Variants in ACKR2 observed in about 807,000 individuals in gnomAD.
The protein encoded by ACKR2 is atypical chemokine receptor 2, also known as C-C chemokine receptor D6.
For missense variants in ACKR2, 457 were observed against 477.3 expected (o/e 0.96, Z 0.40); for synonymous variants, 207 against 192.2 (o/e 1.08, Z -0.64).
intron 2 of ACKR2, chr3:42,856,160 C>A: frequency 2.0e-6 from 1 of 494,086 alleles, no homozygotes; most frequent in Non-Finnish European, 3.6e-6. Context: ...ACAGGAAGAC[C>A]AGCAGAAAAA....
intron 1 of ACKR2, among the ~76,000 whole-genome samples, chr3:42,817,057 C>T (rs924480889): frequency 1.3e-4 from 20 of 152,132 alleles, no homozygotes; most frequent in Non-Finnish European, 1.3e-4. Context: ...TTTAGCCTCA[C>T]ATTTTTCATC....
intron 2 of ACKR2, chr3:42,839,369 T>G (rs1701014975): frequency 6.6e-6 from 1 of 152,124 alleles, no homozygotes; most frequent in Admixed American, 6.5e-5. Flanking sequence ...TTTGAAGGGC[T>G]GATAACTCCC....
At chr3:42,824,266 A>G (rs146526840) in intron 2 of ACKR2, among the ~76,000 whole-genome samples, 1 of 152,162 alleles carries the variant, frequency 6.6e-6, no homozygotes, top group Admixed American at 6.5e-5. Flanking sequence ...AAAAATTTGT[A>G]TTTTTTTATT....
At chr3:42,840,223 G>A (rs1701022878) in intron 2 of ACKR2, among the ~76,000 whole-genome samples, 1 of 124,388 alleles carries the variant, frequency 8.0e-6, no homozygotes, top group Non-Finnish European at 1.6e-5. Context: ...TCGCGCCAAT[G>A]CACACCAGCT....
intron 2 of ACKR2, among the ~76,000 whole-genome samples, chr3:42,821,628 C>G (rs1700810000): frequency 6.6e-6 from 1 of 152,140 alleles, no homozygotes; most frequent in African/African-American, 2.4e-5. Context: ...CTGGAACACT[C>G]TCTTGCCTCT....
chr3:42,865,663 C>A lies in ACKR2; in HGVS notation c.*6C>A. On this transcript the variant is annotated 3_prime_UTR_variant, in exon 3 of 3. Transcript: ENST00000422265. Reference sequence around the variant, plus strand: ...TGGGGAATAAATCAGCCTGAGTGACCAAATTTTGGTCTGGTGGGAACAGAT... The same window carrying A: ...TGGGGAATAAATCAGCCTGAGTGACAAAATTTTGGTCTGGTGGGAACAGAT... 1 of 1,596,864 alleles carries A rather than the reference C, an allele frequency of 6.3e-7. No individual in the cohort carries two copies. Among genetic ancestry groups the A allele is most frequent in the South Asian group, 1.1e-5 (1 of 87,644 alleles).
chr3:42,828,088 A>ATTTTTT (rs1313372905), intron 2 of ACKR2, among the ~76,000 whole-genome samples: 1 of 93,040 alleles, frequency 1.1e-5, no homozygotes, highest in African/African-American at 4.5e-5. Context: ...ATATATATAT[A>ATTTTTT]TATATTTTTT....
intron 2 of ACKR2, among the ~76,000 whole-genome samples, chr3:42,833,463 A>C (rs1700952903): frequency 6.6e-6 from 1 of 152,082 alleles, no homozygotes; most frequent in South Asian, 2.1e-4. Flanking sequence ...ATTTTGGTGC[A>C]CCCATCACCC....
In ACKR2 at chr3:42,866,037, C is replaced by T. The variant is rs1326399397; in HGVS notation, c.*380C>T. On this transcript the variant is annotated 3_prime_UTR_variant, in exon 3 of 3. Transcript: ENST00000422265. ...TGTCACCCAGGCTGGAATGCAGTGG[C>T]GAGATCTCCGCTCACTGTAGCCTCC... 3 of 205,380 alleles carry T rather than the reference C, an allele frequency of 1.5e-5. No individual in the cohort carries two copies. The highest frequency in any genetic ancestry group is 1.3e-4 in the East Asian group (1 of 7,858). 12.7% of individuals were successfully genotyped at this position (205,380 alleles called of 1,614,324 possible). A position where few individuals can be genotyped will look rare whatever the true frequency, so the allele number is the denominator to read the frequency against.
chr3:42,846,279 G>A (rs1382346418), intron 2 of ACKR2, among the ~76,000 whole-genome samples: 1 of 152,196 alleles, frequency 6.6e-6, no homozygotes, highest in Admixed American at 6.5e-5. Context: ...TGAAGGGGTG[G>A]TCAGGCAAGG....
chr3:42,856,027 T>C, intron 2 of ACKR2: 1 of 261,662 alleles, frequency 3.8e-6, no homozygotes. Flanking sequence ...AGTATACTCC[T>C]CACATCCTCC....
chr3:42,854,707 C>T (rs1451347855), intron 2 of ACKR2, among the ~76,000 whole-genome samples: 2 of 152,120 alleles, frequency 1.3e-5, no homozygotes, highest in African/African-American at 4.8e-5. Flanking sequence ...AGAAGGAGCC[C>T]AACTAACATG....
chr3:42,827,954 T>C (rs987517393), intron 2 of ACKR2, among the ~76,000 whole-genome samples: 1 of 151,928 alleles, frequency 6.6e-6, no homozygotes, highest in Non-Finnish European at 1.5e-5. Context: ...CACACACCCT[T>C]CAGTCTTCTC....
chr3:42,859,025 G>T (rs956873664), intron 2 of ACKR2, among the ~76,000 whole-genome samples: 1 of 152,134 alleles, frequency 6.6e-6, no homozygotes, highest in Non-Finnish European at 1.5e-5. Flanking sequence ...ATGAGACTAT[G>T]TGAAAAGACC....
rs1700986100 is a variant in ACKR2 at position 42,836,163 on chromosome 3, A to G, written c.-38+16452A>G. 2.6e-5 allele frequency among the ~76,000 whole-genome samples: 4 copies of G among 152,198 alleles called. No individual in the cohort carries two copies. In the South Asian group the frequency reaches 8.3e-4, roughly 31 times the overall value. ...CGTATTATGGAACAATTTTCCAAAC[A>G]TATATATAAATTACAAACCACACCT... On this transcript the variant is annotated intron_variant, in intron 2 of 2. Transcript: ENST00000422265.
chr3:42,836,729 T>C (rs1700990592), intron 2 of ACKR2, among the ~76,000 whole-genome samples: 1 of 151,966 alleles, frequency 6.6e-6, no homozygotes, highest in African/African-American at 2.4e-5. Flanking sequence ...GGAAAGGGAG[T>C]TACTGTGTGG....
rs56332875 is a variant in ACKR2, at chr3:42,816,189, CGTGT to C, written c.-118-3413_-118-3410del. ...AACCTATAAACACAATTGATAGTTT[CGTGT>C]GTGTGTGTGTGTGTGTGTGTGTGTG... On this transcript the variant is annotated intron_variant, in intron 1 of 2. Transcript: ENST00000422265. Among the ~76,000 whole-genome samples, 309 of 145,792 alleles carry C rather than the reference CGTGT, an allele frequency of 2.1e-3. 1 individual carries two copies. The highest frequency in any genetic ancestry group is 0.017 in the East Asian group (83 of 4,972).
intron 2 of ACKR2, chr3:42,851,172 G>A (rs1022557496): frequency 1.4e-4 from 22 of 162,440 alleles, no homozygotes; most frequent in Admixed American, 2.6e-4. Context: ...ACTATCTTTG[G>A]GGGATGCTCT....
intron 1 of ACKR2, among the ~76,000 whole-genome samples, chr3:42,812,528 C>T (rs1575371388): frequency 6.6e-6 from 1 of 152,112 alleles, no homozygotes; most frequent in African/African-American, 2.4e-5. Flanking sequence ...GACACACTTA[C>T]AGGCAGAATC....
Sources: gnomAD v4.1 joint callset for allele counts (sites outside exome capture counted in the v4.1 genomes callset) on GRCh38, gnomAD v4.1.1 for gene constraint, MANE v1.5 for transcripts, NCBI Gene and HGNC (gene_info 2026-07-23, HGNC 2026-07-21) for gene names.